Variants in MEIKIN observed in about 807,000 individuals in gnomAD.
The protein encoded by MEIKIN is meiosis-specific kinetochore protein.
intron 11 of MEIKIN, among the ~76,000 whole-genome samples, chr5:131,848,253 T>C (rs1379871339): frequency 6.6e-6 from 1 of 151,832 alleles, no homozygotes; most frequent in African/African-American, 2.4e-5. Flanking sequence ...TCTTTGAAAA[T>C]AGCAACAAAA....
intron 7 of MEIKIN, among the ~76,000 whole-genome samples, chr5:131,915,292 A>C (rs1042561055): frequency 6.6e-6 from 1 of 152,176 alleles, no homozygotes; most frequent in Non-Finnish European, 1.5e-5. Context: ...TCAGGTCCTA[A>C]ATAAGGCCTT....
At chr5:131,861,205 A>G (rs969033062) in intron 9 of MEIKIN, among the ~76,000 whole-genome samples, 1 of 151,912 alleles carries the variant, frequency 6.6e-6, no homozygotes, top group Non-Finnish European at 1.5e-5. Context: ...CCTGGCCAAC[A>G]TGGTGAAACC....
intron 9 of MEIKIN, among the ~76,000 whole-genome samples, chr5:131,868,841 T>C (rs1750435344): frequency 6.6e-6 from 1 of 152,234 alleles, no homozygotes; most frequent in Non-Finnish European, 1.5e-5. Flanking sequence ...GCCCTTATTG[T>C]TGAATTTTAA....
chr5:131,829,313 C>T (rs2896961), intron 11 of MEIKIN, among the ~76,000 whole-genome samples: 114,630 of 152,158 alleles, frequency 0.75, 43,393 homozygotes, highest in Middle Eastern at 0.82. Flanking sequence ...TTCTATAACA[C>T]GTACCCTTTC....
intron 9 of MEIKIN, 24 bp downstream of exon 9, chr5:131,878,954 T>G: frequency 2.5e-6 from 1 of 398,546 alleles, no homozygotes; most frequent in Non-Finnish European, 4.4e-6. Flanking sequence ...ATGATTTATG[T>G]AGTTATTCTG....
At chr5:131,941,278 C>A (rs899333128) in intron 4 of MEIKIN, among the ~76,000 whole-genome samples, 1 of 146,000 alleles carries the variant, frequency 6.8e-6, no homozygotes, top group African/African-American at 2.8e-5. Flanking sequence ...CTTGTCTCAG[C>A]CTCCCGAGTA....
At chr5:131,862,499 C>T (rs1396750351) in intron 9 of MEIKIN, among the ~76,000 whole-genome samples, 1 of 151,792 alleles carries the variant, frequency 6.6e-6, no homozygotes, top group Non-Finnish European at 1.5e-5. Flanking sequence ...TTTGTTCTTG[C>T]TTCTCTAATT....
At chr5:131,902,807 G>A (rs1056032983) in intron 8 of MEIKIN, among the ~76,000 whole-genome samples, 1 of 152,136 alleles carries the variant, frequency 6.6e-6, no homozygotes, top group African/African-American at 2.4e-5. Flanking sequence ...ATGCTGAGAT[G>A]GCTGAAATGA....
At position 131,945,514 on chromosome 5, in the gene MEIKIN, C is replaced by G. The variant is rs1751950337; in HGVS notation, c.-9G>C. 2.5e-6 allele frequency: 1 copy of G among 399,682 alleles called. No individual in the cohort carries two copies. Among genetic ancestry groups the G allele is most frequent in the Admixed American group, 4.4e-5 (1 of 22,726 alleles). The allele number at this position is 399,682 out of a possible 1,614,324, so 24.8% of individuals were successfully genotyped here. A position where few individuals can be genotyped will look rare whatever the true frequency, so the allele number is the denominator to read the frequency against. ...ACCCGTAGCGGCCACATTGCTATCC[C>G]ACCCTACCCCCAGGCCACGGGTGCC... is the stretch of plus-strand genomic sequence containing the variant. On this transcript the variant is annotated 5_prime_UTR_variant, in exon 1 of 13. Coordinates refer to ENST00000442687, the MANE Select transcript of MEIKIN (RefSeq NM_001303622.2).
chr5:131,836,657 A>G (rs1749813801), intron 11 of MEIKIN, among the ~76,000 whole-genome samples: 1 of 150,908 alleles, frequency 6.6e-6, no homozygotes, highest in Non-Finnish European at 1.5e-5. Flanking sequence ...AGTGATGTTG[A>G]GCTTTTTTTT....
At chr5:131,890,898 G>C (rs1750900158) in intron 8 of MEIKIN, among the ~76,000 whole-genome samples, 1 of 152,206 alleles carries the variant, frequency 6.6e-6, no homozygotes, top group African/African-American at 2.4e-5. Flanking sequence ...ATGTGTCCCA[G>C]AGAGTCTGGT....
intron 7 of MEIKIN, among the ~76,000 whole-genome samples, chr5:131,914,639 TTATAA>T (rs1284391067): frequency 1.3e-5 from 2 of 150,896 alleles, no homozygotes; most frequent in Admixed American, 6.6e-5. Context: ...TTCTTTTTCT[TTATAA>T]TATAATTGCC....
At chr5:131,829,428 CGAG>C (rs1275839496) in intron 11 of MEIKIN, among the ~76,000 whole-genome samples, 1 of 151,942 alleles carries the variant, frequency 6.6e-6, no homozygotes, top group African/African-American at 2.4e-5. Context: ...GATGATGGTA[CGAG>C]GAGATCCTAG....
At chr5:131,812,909 T>C (rs1773024075) in intron 12 of MEIKIN, among the ~76,000 whole-genome samples, 1 of 151,596 alleles carries the variant, frequency 6.6e-6, no homozygotes, top group Admixed American at 6.6e-5. Flanking sequence ...TTTTGGCTTA[T>C]TGCCAAATTT....
At chr5:131,865,084 T>C (rs574498168) in intron 9 of MEIKIN, among the ~76,000 whole-genome samples, 193 of 152,308 alleles carry the variant, frequency 1.3e-3, no homozygotes, top group Non-Finnish European at 2.0e-3. Flanking sequence ...TTTTCAATAA[T>C]ATCCATCTCT....
intron 9 of MEIKIN, among the ~76,000 whole-genome samples, chr5:131,867,465 C>T (rs1355196074): frequency 1.3e-5 from 2 of 151,980 alleles, no homozygotes; most frequent in Non-Finnish European, 2.9e-5. Flanking sequence ...TGAGATGTAC[C>T]CACCATTCTA....
intron 9 of MEIKIN, among the ~76,000 whole-genome samples, chr5:131,868,717 C>CACA: frequency 1.3e-5 from 1 of 75,004 alleles, no homozygotes; most frequent in South Asian, 3.9e-4. Flanking sequence ...TCTGTCTCTA[C>CACA]AAAAAAAAAA....
intron 9 of MEIKIN, among the ~76,000 whole-genome samples, chr5:131,856,645 GA>G: frequency 6.6e-6 from 1 of 152,222 alleles, no homozygotes; most frequent in South Asian, 2.1e-4. Flanking sequence ...CCTGATGTTT[GA>G]ACTCTTTATA....
chr5:131,836,785 T>G (rs1749816950), intron 11 of MEIKIN, among the ~76,000 whole-genome samples: 1 of 152,128 alleles, frequency 6.6e-6, no homozygotes, highest in Admixed American at 6.6e-5. Context: ...TTATAGATGC[T>G]GGATATTAGA....
Sources: gnomAD v4.1 joint callset for allele counts (sites outside exome capture counted in the v4.1 genomes callset) on GRCh38, gnomAD v4.1.1 for gene constraint, MANE v1.5 for transcripts, NCBI Gene and HGNC (gene_info 2026-07-23, HGNC 2026-07-21) for gene names.